Variants in KIF13B observed in about 807,000 individuals in gnomAD.
The protein encoded by KIF13B is kinesin family member 13B, also known as kinesin-like protein KIF13B.
Under a neutral mutation model 222.0 loss-of-function variants are expected in KIF13B, and 127 were observed. The observed-to-expected ratio is 0.57, with a 90% CI of 0.50 to 0.66. The LOEUF (loss-of-function observed/expected upper bound fraction) is 0.66. Among genes scored for constraint, KIF13B ranks in the 30% least tolerant of loss-of-function variants. KIF13B has a pLI of 0.00. For missense variants in KIF13B, 2,173 were observed against 2,379.0 expected, an observed-to-expected ratio of 0.91 and a Z score of 1.80; for synonymous variants, 976 against 919.0, an observed-to-expected ratio of 1.06 and a Z score of -1.12.
chr8:29,188,814 CATGCTTGAATAA>C (rs1349510429), intron 4 of KIF13B, among the ~76,000 whole-genome samples: 2 of 152,208 alleles, frequency 1.3e-5, no homozygotes, highest in Non-Finnish European at 1.5e-5. Flanking sequence ...CCCTGTAATA[CATGCTTGAATAA>C]ATAAACACGA....
intron 2 of KIF13B, among the ~76,000 whole-genome samples, chr8:29,210,946 T>C (rs62502850): frequency 1.3e-5 from 2 of 152,116 alleles, no homozygotes; most frequent in Non-Finnish European, 2.9e-5. Flanking sequence ...TGCAGTTGTA[T>C]GGTTTGTGTC....
chr8:29,192,458 C>A (rs940722696), intron 3 of KIF13B, among the ~76,000 whole-genome samples: 7 of 151,896 alleles, frequency 4.6e-5, no homozygotes, highest in Admixed American at 4.6e-4. Flanking sequence ...ACTATGTTGC[C>A]CAGGCTGGTC....
intron 4 of KIF13B, chr8:29,190,440 G>T: frequency 6.5e-6 from 1 of 153,244 alleles, no homozygotes. Flanking sequence ...CCGGGAGGGC[G>T]CCGCGCCACC....
chr8:29,234,122 T>C (rs1815402589), intron 2 of KIF13B, among the ~76,000 whole-genome samples: 2 of 152,146 alleles, frequency 1.3e-5, no homozygotes, highest in South Asian at 2.1e-4. Context: ...CAGAGATTGA[T>C]GGTCTTGAAA....
At position 29,116,732 on chromosome 8, in the gene KIF13B, C is replaced by T. The variant is rs1028906886; in HGVS notation, c.3837+99G>A. The T allele has an allele frequency of 2.1e-5, 24 of 1,136,988 alleles. 1 individual carries two copies. Among genetic ancestry groups the T allele is most frequent in the African/African-American group, 7.8e-5 (5 of 64,110 alleles). 70.4% of individuals were successfully genotyped at this position (1,136,988 alleles called of 1,614,324 possible). On this transcript the variant is annotated intron_variant, in intron 31 of 39. Coordinates refer to ENST00000524189, the MANE Select transcript of KIF13B (RefSeq NM_015254.4). ...CTGGAAAAGAAAAGCTCAGTGCTTC[C>T]GGGAGCCTGTTTGGACAGAAGGTTA...
intron 36 of KIF13B, among the ~76,000 whole-genome samples, chr8:29,094,453 C>T (rs1006409504): frequency 6.6e-6 from 1 of 152,096 alleles, no homozygotes; most frequent in Non-Finnish European, 1.5e-5. Flanking sequence ...AAATTTAACA[C>T]GTATGGTAAG....
At chr8:29,112,395 T>G (rs916632368) in intron 32 of KIF13B, among the ~76,000 whole-genome samples, 8 of 137,008 alleles carry the variant, frequency 5.8e-5, no homozygotes, top group Non-Finnish European at 1.2e-4. Flanking sequence ...ATCACACCAC[T>G]GCACTCCAAC....
chr8:29,171,844 A>C (rs529936178), intron 10 of KIF13B, among the ~76,000 whole-genome samples: 1 of 129,540 alleles, frequency 7.7e-6, no homozygotes, highest in Non-Finnish European at 1.6e-5. Flanking sequence ...TGCAACCTCT[A>C]CCTCCTGGGT....
intron 28 of KIF13B, among the ~76,000 whole-genome samples, chr8:29,122,961 A>G (rs1302305022): frequency 6.6e-6 from 1 of 152,236 alleles, no homozygotes; most frequent in Non-Finnish European, 1.5e-5. Flanking sequence ...TTTAATTTCT[A>G]TAACGTAGCA....
At chr8:29,143,363 G>A (rs58921875) in intron 18 of KIF13B, among the ~76,000 whole-genome samples, 3,082 of 152,266 alleles carry the variant, frequency 0.02, 83 homozygotes, top group African/African-American at 0.07. Flanking sequence ...TCTTCAGGGG[G>A]TATAAAACAT....
chr8:29,228,437 A>G (rs1815124886), intron 2 of KIF13B, among the ~76,000 whole-genome samples: 1 of 149,300 alleles, frequency 6.7e-6, no homozygotes, highest in African/African-American at 2.5e-5. Context: ...ACTGCACTCC[A>G]GCCTGGGTGA....
chr8:29,165,265 T>C (rs550465558), intron 12 of KIF13B, among the ~76,000 whole-genome samples: 1 of 152,314 alleles, frequency 6.6e-6, no homozygotes, highest in South Asian at 2.1e-4. Context: ...AAGAAGTTCA[T>C]GGCCTAATAT....
chr8:29,161,703 C>G (rs1028058333), intron 12 of KIF13B, among the ~76,000 whole-genome samples: 1 of 149,152 alleles, frequency 6.7e-6, no homozygotes, highest in African/African-American at 2.5e-5. Context: ...CTCAAAACCC[C>G]CCCCCAAAAA....
At chr8:29,212,676 C>T (rs923639856) in intron 2 of KIF13B, among the ~76,000 whole-genome samples, 1 of 151,674 alleles carries the variant, frequency 6.6e-6, no homozygotes, top group Non-Finnish European at 1.5e-5. Flanking sequence ...TGTAGACATT[C>T]GTTATTATTT....
At chr8:29,138,602 G>GCCA (rs1810667731) in intron 21 of KIF13B, 1 of 152,146 alleles carries the variant, frequency 6.6e-6, no homozygotes, top group South Asian at 2.1e-4. Context: ...AAGAACGCAG[G>GCCA]CCACCACCTA....
intron 10 of KIF13B, among the ~76,000 whole-genome samples, chr8:29,171,079 G>A (rs1812217396): frequency 6.6e-6 from 1 of 152,220 alleles, no homozygotes; most frequent in South Asian, 2.1e-4. Flanking sequence ...CCAGGCGACA[G>A]ATGAAAAGTG....
chr8:29,246,381 G>A (rs919321799), intron 1 of KIF13B, among the ~76,000 whole-genome samples: 3 of 151,370 alleles, frequency 2.0e-5, no homozygotes, highest in African/African-American at 7.3e-5. Context: ...CTGTCTCGGG[G>A]GAAAAGAAGA....
At chr8:29,220,550 T>C (rs62505660) in intron 2 of KIF13B, among the ~76,000 whole-genome samples, 1 of 139,032 alleles carries the variant, frequency 7.2e-6, no homozygotes, top group East Asian at 1.9e-4. Context: ...AATTTCTTTA[T>C]TTAAAAAAAA....
At chr8:29,246,827 C>T (rs77183488) in intron 1 of KIF13B, among the ~76,000 whole-genome samples, 15,036 of 152,138 alleles carry the variant, frequency 0.099, 1,017 homozygotes, top group African/African-American at 0.18. Context: ...ATTTTGACAA[C>T]GATGCCAAAA....
Sources: gnomAD v4.1 joint callset for allele counts (sites outside exome capture counted in the v4.1 genomes callset) on GRCh38, gnomAD v4.1.1 for gene constraint, MANE v1.5 for transcripts, NCBI Gene and HGNC (gene_info 2026-07-23, HGNC 2026-07-21) for gene names.